Variants in CDK14 observed in about 807,000 individuals in gnomAD.
The protein encoded by CDK14 is cyclin dependent kinase 14.
Under a neutral mutation model 60.7 loss-of-function variants are expected in CDK14, and 34 were observed. That is an observed-to-expected ratio of 0.56 (90% CI 0.43 to 0.75). CDK14 has a LOEUF of 0.75. Among genes scored for constraint, CDK14 ranks in the 30% least tolerant of loss-of-function variants. The probability of loss-of-function intolerance (pLI) is 0.00; values close to 1 mark genes in which losing one functional copy is unlikely to be tolerated. For missense variants in CDK14, 482 were observed against 564.1 expected (o/e 0.85, Z 1.47); for synonymous variants, 197 against 203.7 (o/e 0.97, Z 0.28).
At position 91,003,592 on chromosome 7, in the gene CDK14, A is replaced by G. The variant is rs371010247; in HGVS notation, c.1041+19351A>G. On this transcript the variant is annotated intron_variant, in intron 10 of 14. Transcript: ENST00000380050. ...CTGGGGTCCCTCTCTCTCCTTGGGT[A>G]TTGCCATCATCTACATAGTAGAAGC... Among the ~76,000 whole-genome samples the G allele has an allele frequency of 3.8e-4, 58 of 152,188 alleles. No homozygotes were observed. The East Asian group carries it at 6.2e-3, about 16-fold the overall frequency.
chr7:90,958,674 C>T lies in CDK14; in HGVS notation c.947+2857C>T, dbSNP rs574659582. ...ATATTAGTTACTTTCTCATCCCTTT[C>T]CTACTTCCTGACTTATAGTTGGCTC... On this transcript the variant is annotated intron_variant, in intron 9 of 14. Transcript: ENST00000380050. Among the ~76,000 whole-genome samples, 29 of 152,230 alleles carry T rather than the reference C, an allele frequency of 1.9e-4. No homozygotes were observed. In the South Asian group the frequency reaches 5.0e-3, roughly 26 times the overall value.
chr7:90,779,473 C>T (rs903258823), intron 4 of CDK14, among the ~76,000 whole-genome samples: 2 of 152,154 alleles, frequency 1.3e-5, no homozygotes, highest in Non-Finnish European at 2.9e-5. Flanking sequence ...AGGCATGTCT[C>T]AAACCCCTGG....
At chr7:90,896,254 G>A (rs1415906048) in intron 6 of CDK14, among the ~76,000 whole-genome samples, 2 of 151,876 alleles carry the variant, frequency 1.3e-5, no homozygotes, top group Admixed American at 6.6e-5. Flanking sequence ...ACTGATTTAA[G>A]TATTTTTAGA....
chr7:90,955,092 G>T (rs1448219230), intron 8 of CDK14, among the ~76,000 whole-genome samples: 1 of 151,988 alleles, frequency 6.6e-6, no homozygotes, highest in Non-Finnish European at 1.5e-5. Context: ...TCTCATCAAT[G>T]TATGTACCAG....
chr7:90,703,209 C>G lies in CDK14; in HGVS notation c.124-23358C>G, dbSNP rs1022391225. Among the ~76,000 whole-genome samples, 3 of 152,134 alleles carry G rather than the reference C, an allele frequency of 2.0e-5. No homozygotes were observed. In the South Asian group the frequency reaches 6.2e-4, roughly 32 times the overall value. On this transcript the variant is annotated intron_variant, in intron 2 of 14. Transcript: ENST00000380050. ...CATTTGCCTTTCTTCTTGATGCTAT[C>G]CCAAGGATTTTATGTCTGCCATTGA...
At chr7:90,750,069 T>A (rs1451245177) in intron 4 of CDK14, among the ~76,000 whole-genome samples, 1 of 151,542 alleles carries the variant, frequency 6.6e-6, no homozygotes, top group African/African-American at 2.4e-5. Context: ...TGCATAGGGC[T>A]ATAGAAGCAA....
intron 3 of CDK14, among the ~76,000 whole-genome samples, chr7:90,743,962 G>A (rs547287803): frequency 4.7e-5 from 7 of 149,516 alleles, no homozygotes; most frequent in Admixed American, 2.6e-4. Context: ...GTTGATTCGT[G>A]TATGTTTATT....
At position 91,170,735 on chromosome 7, in the gene CDK14, G is replaced by A. The variant is rs1016521799; in HGVS notation, c.*29-36430G>A. Among the ~76,000 whole-genome samples the A allele has an allele frequency of 6.3e-4, 91 of 144,334 alleles. 1 individual carries two copies. The highest frequency in any genetic ancestry group is 2.3e-4 in the South Asian group (1 of 4,438). The allele number at this position is 144,334 out of a possible 152,430, so 94.7% of individuals were successfully genotyped here. On this transcript the variant is annotated intron_variant, in intron 14 of 14. Transcript: ENST00000380050. The stretch of plus-strand genomic sequence containing the variant: ...ACCAATTAACTTTTACAAAAAACTC[G>A]TTTGTAAATTCTGTTTTCAATCTTT...
At chr7:91,031,211 T>A (rs1293799307) in intron 10 of CDK14, among the ~76,000 whole-genome samples, 1 of 152,176 alleles carries the variant, frequency 6.6e-6, no homozygotes, top group African/African-American at 2.4e-5. Context: ...ACTGTGGAAT[T>A]TTATAGTGGT....
intron 14 of CDK14, among the ~76,000 whole-genome samples, chr7:91,206,630 T>C (rs4320483): frequency 0.34 from 51,316 of 152,094 alleles, 8,898 homozygotes; most frequent in South Asian, 0.43. Flanking sequence ...ATACAGGATG[T>C]TGGGAAGAGG....
intron 8 of CDK14, among the ~76,000 whole-genome samples, chr7:90,941,183 T>C (rs186681808): frequency 6.6e-6 from 1 of 152,242 alleles, no homozygotes; most frequent in African/African-American, 2.4e-5. Context: ...TGGGTTGAGA[T>C]TAGAATTAGA....
chr7:91,126,152 T>G (rs1223648048), intron 14 of CDK14, among the ~76,000 whole-genome samples: 2 of 152,200 alleles, frequency 1.3e-5, no homozygotes, highest in African/African-American at 4.8e-5. Context: ...TCATTCTTCC[T>G]AAAATAATAG....
chr7:90,962,990 A>ATTGGGG (rs1794644881), intron 9 of CDK14, among the ~76,000 whole-genome samples: 1 of 152,136 alleles, frequency 6.6e-6, no homozygotes, highest in Non-Finnish European at 1.5e-5. Flanking sequence ...TATGGGATAT[A>ATTGGGG]TAAAAGCTGC....
intron 14 of CDK14, among the ~76,000 whole-genome samples, chr7:91,175,330 A>G (rs958795923): frequency 2.0e-5 from 3 of 152,204 alleles, no homozygotes; most frequent in Non-Finnish European, 4.4e-5. Context: ...GAAAGGAACA[A>G]CCGGTATCAG....
rs554788981 is a variant in CDK14 at position 90,665,909 on chromosome 7, A to G, written c.124-60658A>G. Among the ~76,000 whole-genome samples, 3 of 152,346 alleles carry G rather than the reference A, an allele frequency of 2.0e-5. No individual in the cohort carries two copies. In the East Asian group the frequency reaches 5.8e-4, roughly 29 times the overall value. ...TATCTCGATAAAATCATCATGCTTC[A>G]GGATGGATGTACACCTATTTTGGGA... On this transcript the variant is annotated intron_variant, in intron 2 of 14. Transcript: ENST00000380050.
intron 5 of CDK14, among the ~76,000 whole-genome samples, chr7:90,819,153 A>G (rs1215779691): frequency 1.3e-5 from 2 of 152,192 alleles, no homozygotes; most frequent in African/African-American, 4.8e-5. Context: ...GGAGAGCAAT[A>G]TATGGCCTTT....
At position 90,947,366 on chromosome 7, in the gene CDK14, A is replaced by G. The variant is rs141422190; in HGVS notation, c.827-8331A>G. ...CCAGGCAACCTGTTCCCAAGTTCCC[A>G]GTCTTCTTGGGGAGGTGATAGCACT... On this transcript the variant is annotated intron_variant, in intron 8 of 14. Coordinates refer to ENST00000380050, the MANE Select transcript of CDK14 (RefSeq NM_001287135.2). Among the ~76,000 whole-genome samples the G allele has an allele frequency of 2.7e-3, 408 of 152,290 alleles. 3 individuals carry two copies. The highest frequency in any genetic ancestry group is 7.2e-3 in the African/African-American group (299 of 41,560).
rs763491903 is a variant in CDK14 at position 91,079,511 on chromosome 7, C to T, written c.1154+31C>T. On this transcript the variant is annotated intron_variant, in intron 12 of 14. Transcript: ENST00000380050. ...TCTTTATACAGATTGTGCTCATTCT[C>T]TTTCTTTCTCTTTTAATATTTACAA... The T allele has an allele frequency of 6.3e-6, 9 of 1,433,776 alleles. No individual in the cohort carries two copies. The African/African-American group carries it at 1.3e-4, about 20-fold the overall frequency. 88.8% of individuals were successfully genotyped at this position (1,433,776 alleles called of 1,614,324 possible).
intron 5 of CDK14, among the ~76,000 whole-genome samples, chr7:90,850,355 A>G (rs1402616062): frequency 6.6e-6 from 1 of 152,142 alleles, no homozygotes; most frequent in Non-Finnish European, 1.5e-5. Flanking sequence ...TTTTCTCTAA[A>G]CTCAGCACTG....
Sources: allele counts gnomAD v4.1 joint callset (sites outside exome capture counted in the v4.1 genomes callset), GRCh38; gene constraint gnomAD v4.1.1; transcripts MANE v1.5; gene names NCBI Gene and HGNC (gene_info 2026-07-23, HGNC 2026-07-21).